The following GPC1 variants were observed in gnomAD, a reference collection of about 807,000 sequenced individuals.
GPC1 encodes glypican-1.
In GPC1, 26 loss-of-function variants were observed where a neutral mutation model predicts 51.5. The ratio of observed to expected loss-of-function variants is 0.50; its 90% CI spans 0.37 to 0.70. The LOEUF is 0.70. GPC1 is among the 30% of genes least tolerant of loss of function. The pLI is 0.00. For missense variants in GPC1, 775 were observed against 800.5 expected, an observed-to-expected ratio of 0.97 and a Z score of 0.38; for synonymous variants, 380 against 348.3, an observed-to-expected ratio of 1.09 and a Z score of -1.01.
At chr2:240,453,274 C>T (rs2074119243) in intron 1 of GPC1, among the ~76,000 whole-genome samples, 1 of 101,948 alleles carries the variant, frequency 9.8e-6, no homozygotes, top group Admixed American at 9.2e-5. Flanking sequence ...CCTACCCCTA[C>T]CCCTCCCGGG....
chr2:240,464,690 T>C lies in GPC1; in HGVS notation c.958T>C (p.Trp320Arg). ...GAGTGTCATCGGCAGCGTGCACACG[T>C]GGCTGGCGGAGGCCATCAACGCCCT... is the stretch of plus-strand genomic sequence containing the variant. ...VESVIGSVHT[W>R]LAEAINALQD... Residue 320 changes from tryptophan to arginine, a missense_variant, in exon 5 of 9, where the codon TGG (tryptophan) becomes CGG (arginine). Trp to Arg is a moderately radical substitution (Grantham distance 101). Transcript: ENST00000264039. The C allele has an allele frequency of 6.2e-7, 1 of 1,612,830 alleles. No homozygotes were observed. The highest frequency in any genetic ancestry group is 8.5e-7 in the Non-Finnish European group (1 of 1,179,822).
intron 1 of GPC1, chr2:240,450,654 T>A (rs1378099012): frequency 2.1e-6 from 1 of 470,736 alleles, no homozygotes; most frequent in Non-Finnish European, 4.4e-6. Flanking sequence ...TCGAGCCCCG[T>A]GCTTCCTCTG....
rs762270338 is a variant in GPC1 at position 240,449,969 on chromosome 2, G to A, written c.167-9061G>A. 1.1e-4 allele frequency: 50 copies of A among 463,270 alleles called. 2 individuals carry two copies. Among genetic ancestry groups the A allele is most frequent in the East Asian group, 4.2e-4 (6 of 14,318 alleles). 28.7% of individuals were successfully genotyped at this position (463,270 alleles called of 1,614,324 possible). A position where few individuals can be genotyped will look rare whatever the true frequency, so the allele number is the denominator to read the frequency against. ...ATCTATTCGACTGTGGAGAGACATC[G>A]TTTCTACCTTCCGGCTCTGGTGAAT... On this transcript the variant is annotated intron_variant, in intron 1 of 8. Transcript: ENST00000264039.
chr2:240,465,359 C>T lies in GPC1; in HGVS notation c.1269-114C>T. 5 of 1,346,092 alleles carry T rather than the reference C, an allele frequency of 3.7e-6. No individual in the cohort carries two copies. The South Asian group carries it at 4.1e-5, about 11-fold the overall frequency. 83.4% of individuals were successfully genotyped at this position (1,346,092 alleles called of 1,614,324 possible). Reference sequence around the variant, plus strand: ...GCGGCCTGTGTGGGCTCTGCTCGGTCCCTGGAAGCTGCTGGGCATCTCAGG... The same window carrying T: ...GCGGCCTGTGTGGGCTCTGCTCGGTTCCTGGAAGCTGCTGGGCATCTCAGG... On this transcript the variant is annotated intron_variant, in intron 7 of 8. Transcript: ENST00000264039.
intron 1 of GPC1, chr2:240,449,343 C>T (rs1469172143): frequency 1.4e-5 from 2 of 144,318 alleles, no homozygotes; most frequent in East Asian, 2.1e-4. Context: ...TGCAAAGGGC[C>T]GCCGGACTTA....
intron 1 of GPC1, chr2:240,449,838 C>T (rs1278195248): frequency 3.2e-5 from 15 of 470,056 alleles, no homozygotes; most frequent in Middle Eastern, 3.2e-4. Flanking sequence ...TTTCACTCAG[C>T]GTCGTCCTCA....
At chr2:240,450,838 A>G (rs1361722447) in intron 1 of GPC1, 1 of 461,712 alleles carries the variant, frequency 2.2e-6, no homozygotes. Context: ...GGCAGGAGCA[A>G]GAAAGTGGAG....
chr2:240,460,462 C>T (rs529781113), intron 2 of GPC1, among the ~76,000 whole-genome samples: 11 of 152,172 alleles, frequency 7.2e-5, no homozygotes, highest in East Asian at 5.8e-4. Flanking sequence ...CCCTGGCTCC[C>T]GCCCCAGCGT....
Position 240,455,272 on chromosome 2 carries a change from A to G in GPC1, c.167-3758A>G, listed in dbSNP as rs565055383. Among the ~76,000 whole-genome samples the G allele has an allele frequency of 2.0e-5, 3 of 152,346 alleles. No homozygotes were observed. The East Asian group carries it at 5.8e-4, about 29-fold the overall frequency. ...CAAAAAAATCCTCAGAGCACTGGGG[A>G]AGGGAAGTGTCCCAGTGACTGAGGG... On this transcript the variant is annotated intron_variant, in intron 1 of 8. Transcript: ENST00000264039.
Position 240,466,458 on chromosome 2 carries a change from C to T in GPC1, c.*168C>T, listed in dbSNP as rs981550470. The T allele has an allele frequency of 1.2e-5, 7 of 582,024 alleles. No homozygotes were observed. Among genetic ancestry groups the T allele is most frequent in the Non-Finnish European group, 2.1e-5 (7 of 326,100 alleles). The allele number at this position is 582,024 out of a possible 1,614,324, so 36.1% of individuals were successfully genotyped here. A position where few individuals can be genotyped will look rare whatever the true frequency, so the allele number is the denominator to read the frequency against. On this transcript the variant is annotated 3_prime_UTR_variant, in exon 9 of 9. Coordinates refer to ENST00000264039, the MANE Select transcript of GPC1 (RefSeq NM_002081.3). ...GTCCCAGCCCCAGGCCTGGCCTCGC[C>T]TGCCTTTCTGCCTTTTAATTTTGTA...
intron 1 of GPC1, among the ~76,000 whole-genome samples, chr2:240,439,006 G>A (rs534479781): frequency 2.6e-4 from 39 of 152,340 alleles, no homozygotes; most frequent in African/African-American, 8.9e-4. Flanking sequence ...CACTGCCCGC[G>A]TGCCAGCAGG....
At chr2:240,464,336 G>T (rs372934604) in intron 4 of GPC1, 1 of 452,786 alleles carries the variant, frequency 2.2e-6, no homozygotes, top group Non-Finnish European at 4.1e-6. Context: ...GTGGACATAC[G>T]AGACACGGCA....
chr2:240,462,451 G>A lies in GPC1; in HGVS notation c.586G>A (p.Ala196Thr), dbSNP rs781404122. The A allele has an allele frequency of 1.2e-6, 2 of 1,605,576 alleles. No individual in the cohort carries two copies. Among genetic ancestry groups the A allele is most frequent in the Non-Finnish European group, 1.7e-6 (2 of 1,177,136 alleles). ...CTACCTGGACTGCCTGGGCAAGCAG[G>A]CCGAGGCGCTGCGGCCCTTCGGGGA... ...DDYLDCLGKQ[A>T]EALRPFGEAP... is the part of the protein sequence containing the mutation. The change falls in exon 3 of 9, where the codon GCC becomes ACC. Residue 196 changes from alanine (A) to threonine (T), a missense_variant. By Grantham distance (58) the Ala-to-Thr change is moderately conservative. Coordinates refer to ENST00000264039, the MANE Select transcript of GPC1 (RefSeq NM_002081.3).
chr2:240,449,093 G>T (rs988182842), intron 1 of GPC1, among the ~76,000 whole-genome samples: 1 of 152,182 alleles, frequency 6.6e-6, no homozygotes, highest in African/African-American at 2.4e-5. Flanking sequence ...CTGTCTGCCT[G>T]TTAATTGAGA....
chr2:240,440,048 A>C (rs1250445530), intron 1 of GPC1, among the ~76,000 whole-genome samples: 1 of 152,080 alleles, frequency 6.6e-6, no homozygotes, highest in African/African-American at 2.4e-5. Context: ...GGGCCTTTTC[A>C]CAGGAGAGAA....
In GPC1 at chr2:240,447,946, C is replaced by G. The variant is rs180796772; in HGVS notation, c.167-11084C>G. 4.3e-3 allele frequency among the ~76,000 whole-genome samples: 648 copies of G among 152,214 alleles called. 2 individuals are homozygous for G. The highest frequency in any genetic ancestry group is 7.4e-3 in the Non-Finnish European group (502 of 68,016). ...GTTGTCACCCTGAGCGCTCACAGCA[C>G]GCAGTGTCGGCGCTCCCATTCGCTG... is the stretch of plus-strand genomic sequence containing the variant. On this transcript the variant is annotated intron_variant, in intron 1 of 8. Coordinates refer to ENST00000264039, the MANE Select transcript of GPC1 (RefSeq NM_002081.3).
At chr2:240,457,683 C>G (rs2074179598) in intron 1 of GPC1, among the ~76,000 whole-genome samples, 1 of 152,156 alleles carries the variant, frequency 6.6e-6, no homozygotes, top group South Asian at 2.1e-4. Flanking sequence ...AGCCTCGAGC[C>G]AGGTGCCTCT....
chr2:240,452,568 A>C (rs1459004738), intron 1 of GPC1: 1 of 152,058 alleles, frequency 6.6e-6, no homozygotes, highest in Admixed American at 6.5e-5. Context: ...GCTTAGCTGC[A>C]GTGGGGAGCC....
chr2:240,461,801 G>A (rs545876833), intron 2 of GPC1, among the ~76,000 whole-genome samples: 1 of 152,058 alleles, frequency 6.6e-6, no homozygotes, highest in African/African-American at 2.4e-5. Context: ...TGGCAGGGGG[G>A]CACAGACCGG....
Sources: allele counts gnomAD v4.1 joint callset (sites outside exome capture counted in the v4.1 genomes callset), GRCh38; gene constraint gnomAD v4.1.1; transcripts MANE v1.5; gene names NCBI Gene and HGNC (gene_info 2026-07-23, HGNC 2026-07-21).